WDPCP: variants seen among roughly 807,000 people sequenced by gnomAD.
The protein encoded by WDPCP is WD repeat-containing and planar cell polarity effector protein fritz homolog.
A neutral mutation model predicts 93.1 loss-of-function variants in WDPCP; 71 were observed. The observed-to-expected ratio is 0.76, with a 90% CI of 0.63 to 0.93. The LOEUF (loss-of-function observed/expected upper bound fraction) is 0.93, where lower values mean the gene tolerates loss of function less well. Among genes scored for constraint, WDPCP ranks in the 40% least tolerant of loss-of-function variants. WDPCP has a pLI of 0.00. For missense variants in WDPCP, 844 were observed against 887.4 expected, an observed-to-expected ratio of 0.95 and a Z score of 0.62; for synonymous variants, 315 against 315.0, an observed-to-expected ratio of 1.00 and a Z score of 0.00.
At chr2:63,499,023 T>A (rs953819700) in intron 1 of WDPCP, among the ~76,000 whole-genome samples, 1 of 152,190 alleles carries the variant, frequency 6.6e-6, no homozygotes, top group South Asian at 2.1e-4. Context: ...CAATTAAATA[T>A]CACAATTTGA....
chr2:63,407,080 A>G (rs375879308), intron 9 of WDPCP, among the ~76,000 whole-genome samples: 3 of 152,136 alleles, frequency 2.0e-5, no homozygotes, highest in African/African-American at 7.2e-5. Context: ...TATCCTAAAC[A>G]CTATGAAGTA....
chr2:63,615,315 C>T (rs1309859775), intron 3 of WDPCP, among the ~76,000 whole-genome samples: 1 of 152,152 alleles, frequency 6.6e-6, no homozygotes, highest in African/African-American at 2.4e-5. Context: ...GGGGAGATGC[C>T]TGCAGCCGCA....
At chr2:63,641,873 C>T (rs573903565) in intron 3 of WDPCP, among the ~76,000 whole-genome samples, 85 of 152,248 alleles carry the variant, frequency 5.6e-4, no homozygotes, top group African/African-American at 1.9e-3. Context: ...TTGCCTACAC[C>T]AATGTCGTGG....
At chr2:63,790,863 G>C (rs1670533849) in intron 2 of WDPCP, among the ~76,000 whole-genome samples, 3 of 152,112 alleles carry the variant, frequency 2.0e-5, no homozygotes, top group Admixed American at 2.0e-4. Context: ...TTTAGTGGGA[G>C]AAAGAAATAA....
At chr2:63,716,223 T>G (rs1318221287) in intron 2 of WDPCP, among the ~76,000 whole-genome samples, 1 of 152,334 alleles carries the variant, frequency 6.6e-6, no homozygotes, top group Middle Eastern at 3.4e-3. Context: ...AGGACAACTT[T>G]CTTTCTAGTA....
intron 17 of WDPCP, among the ~76,000 whole-genome samples, chr2:63,143,208 A>T (rs1183833642): frequency 6.6e-6 from 1 of 151,990 alleles, no homozygotes; most frequent in Non-Finnish European, 1.5e-5. Flanking sequence ...GTTACTTTAA[A>T]ATTTGTTTTG....
At chr2:63,699,813 T>TA (rs1558887313) in intron 2 of WDPCP, among the ~76,000 whole-genome samples, 1 of 152,208 alleles carries the variant, frequency 6.6e-6, no homozygotes, top group East Asian at 1.9e-4. Flanking sequence ...AAAGGTCTTT[T>TA]AAAAAAATGT....
intron 2 of WDPCP, among the ~76,000 whole-genome samples, chr2:63,682,024 T>A (rs192907729): frequency 1.3e-5 from 2 of 152,294 alleles, no homozygotes; most frequent in Non-Finnish European, 2.9e-5. Flanking sequence ...GATCACAACA[T>A]TCAAGTCCTT....
intron 12 of WDPCP, among the ~76,000 whole-genome samples, chr2:63,361,801 A>G (rs1215356102): frequency 2.0e-5 from 3 of 152,186 alleles, no homozygotes; most frequent in Non-Finnish European, 4.4e-5. Context: ...GACAAAGGTT[A>G]AAGCTGTGCT....
intron 15 of WDPCP, among the ~76,000 whole-genome samples, chr2:63,157,098 G>A (rs1559161646): frequency 2.0e-5 from 3 of 148,628 alleles, no homozygotes; most frequent in Admixed American, 6.7e-5. Flanking sequence ...TCAGACATGC[G>A]TTTTGTACCA....
intron 10 of WDPCP, among the ~76,000 whole-genome samples, chr2:63,396,007 G>A (rs182054721): frequency 2.6e-5 from 4 of 152,236 alleles, no homozygotes; most frequent in Non-Finnish European, 5.9e-5. Context: ...GGGATTACAG[G>A]TATTAGCCAC....
At chr2:63,803,312 T>G (rs1314188881) in intron 2 of WDPCP, among the ~76,000 whole-genome samples, 1 of 152,210 alleles carries the variant, frequency 6.6e-6, no homozygotes, top group Non-Finnish European at 1.5e-5. Flanking sequence ...GAAAAAAAAT[T>G]TGGTTATTGG....
At chr2:63,757,797 C>T (rs1649492420) in intron 2 of WDPCP, among the ~76,000 whole-genome samples, 1 of 152,194 alleles carries the variant, frequency 6.6e-6, no homozygotes, top group Non-Finnish European at 1.5e-5. Flanking sequence ...TTTCTCTTCT[C>T]TCCTACCATA....
At chr2:63,352,408 T>G (rs1359697582) in intron 12 of WDPCP, among the ~76,000 whole-genome samples, 1 of 152,220 alleles carries the variant, frequency 6.6e-6, no homozygotes, top group Non-Finnish European at 1.5e-5. Flanking sequence ...TCCCAACAAA[T>G]TCATGAGATT....
chr2:63,569,283 T>G (rs1306510915), intron 1 of WDPCP, among the ~76,000 whole-genome samples: 1 of 152,110 alleles, frequency 6.6e-6, no homozygotes, highest in Admixed American at 6.6e-5. Flanking sequence ...AACTAAAAAC[T>G]TGAGACAATG....
intron 1 of WDPCP, among the ~76,000 whole-genome samples, chr2:63,579,131 T>C (rs962643466): frequency 6.6e-5 from 10 of 152,186 alleles, no homozygotes; most frequent in African/African-American, 2.4e-4. Context: ...TAGAAGATCA[T>C]GTGTGCTCTA....
chr2:63,724,761 A>G (rs537672497), intron 2 of WDPCP, among the ~76,000 whole-genome samples: 2 of 152,234 alleles, frequency 1.3e-5, no homozygotes, highest in Non-Finnish European at 2.9e-5. Flanking sequence ...AACTGTAACT[A>G]GTAACACTAG....
intron 3 of WDPCP, chr2:63,595,540 G>T (rs889728167): frequency 2.2e-6 from 3 of 1,386,702 alleles, no homozygotes; most frequent in Non-Finnish European, 3.1e-6. Flanking sequence ...GAGTAGAGAA[G>T]GGATTTTATG....
intron 1 of WDPCP, among the ~76,000 whole-genome samples, chr2:63,562,441 TG>T (rs1291560860): frequency 6.6e-6 from 1 of 152,176 alleles, no homozygotes; most frequent in Non-Finnish European, 1.5e-5. Flanking sequence ...ACCTAGGTGA[TG>T]GGTTGATAGG....
Sources: allele counts gnomAD v4.1 joint callset (sites outside exome capture counted in the v4.1 genomes callset), GRCh38; gene constraint gnomAD v4.1.1; transcripts MANE v1.5; gene names NCBI Gene and HGNC (gene_info 2026-07-23, HGNC 2026-07-21).